The following YAF2 variants were observed in gnomAD, a reference collection of about 807,000 sequenced individuals.
The protein encoded by YAF2 is YY1-associated factor 2.
YAF2 carries 7 observed loss-of-function variants against 20.1 expected under a neutral mutation model. The ratio of observed to expected loss-of-function variants is 0.35; its 90% CI spans 0.20 to 0.65. The LOEUF (loss-of-function observed/expected upper bound fraction) is 0.65, where lower values mean the gene tolerates loss of function less well. Among genes scored for constraint, YAF2 ranks in the 30% least tolerant of loss-of-function variants. The pLI is 0.69. For synonymous variants in YAF2, 74 were observed against 76.0 expected, an observed-to-expected ratio of 0.97 and a Z score of 0.14; for missense variants, 151 against 219.2, an observed-to-expected ratio of 0.69 and a Z score of 1.96.
chr12:42,188,462 T>C (rs900946272), intron 2 of YAF2, among the ~76,000 whole-genome samples: 4 of 150,022 alleles, frequency 2.7e-5, no homozygotes, highest in Non-Finnish European at 5.9e-5. Flanking sequence ...CTTGGCTCAC[T>C]GCAAACTCCA....
chr12:42,175,190 G>A (rs966995114), intron 2 of YAF2, among the ~76,000 whole-genome samples: 1 of 152,136 alleles, frequency 6.6e-6, no homozygotes, highest in Non-Finnish European at 1.5e-5. Context: ...ATACTACTCA[G>A]CAACACAAAG....
chr12:42,178,112 G>A (rs887400685), intron 2 of YAF2, among the ~76,000 whole-genome samples: 2 of 152,052 alleles, frequency 1.3e-5, no homozygotes, highest in Non-Finnish European at 2.9e-5. Context: ...GCAAAAATAT[G>A]TACATCTATT....
At chr12:42,166,660 T>G (rs2065923695) in intron 2 of YAF2, among the ~76,000 whole-genome samples, 1 of 152,172 alleles carries the variant, frequency 6.6e-6, no homozygotes, top group Non-Finnish European at 1.5e-5. Context: ...TGGTCTGAGA[T>G]TTCCCTTATA....
intron 2 of YAF2, chr12:42,233,242 C>T (rs1361837412): frequency 2.0e-6 from 2 of 985,216 alleles, no homozygotes; most frequent in Non-Finnish European, 2.4e-6. Context: ...ACCTAAAGGA[C>T]TGTTATAATA....
chr12:42,181,030 A>G (rs577181587), intron 2 of YAF2, among the ~76,000 whole-genome samples: 3 of 152,330 alleles, frequency 2.0e-5, no homozygotes, highest in Admixed American at 2.0e-4. Context: ...GGCTTCTTTG[A>G]TACACCTAGC....
At chr12:42,216,170 T>C (rs1182546582) in intron 2 of YAF2, among the ~76,000 whole-genome samples, 2 of 152,168 alleles carry the variant, frequency 1.3e-5, no homozygotes, top group African/African-American at 4.8e-5. Flanking sequence ...AACATAATTT[T>C]ACTTATCTTC....
intron 2 of YAF2, among the ~76,000 whole-genome samples, chr12:42,223,770 C>T (rs1398620640): frequency 3.3e-5 from 5 of 149,636 alleles, no homozygotes; most frequent in African/African-American, 7.4e-5. Flanking sequence ...CAAACTAACA[C>T]GGGAACAGAA....
intron 2 of YAF2, among the ~76,000 whole-genome samples, chr12:42,212,261 C>T (rs2067234283): frequency 1.3e-5 from 2 of 152,202 alleles, no homozygotes; most frequent in Admixed American, 1.3e-4. Flanking sequence ...AGAAATTTAT[C>T]TTCAAGCTCA....
At chr12:42,226,886 G>C (rs532377395) in intron 2 of YAF2, among the ~76,000 whole-genome samples, 1 of 148,862 alleles carries the variant, frequency 6.7e-6, no homozygotes, top group African/African-American at 2.4e-5. Context: ...GCTCGAAGGC[G>C]CCGCGGGCTG....
chr12:42,209,452 T>C (rs550969746), intron 2 of YAF2, among the ~76,000 whole-genome samples: 3 of 150,352 alleles, frequency 2.0e-5, no homozygotes, highest in Non-Finnish European at 2.9e-5. Context: ...TAGTCCCAGC[T>C]ACTCAGGAGG....
chr12:42,208,857 CTAGA>C (rs1334093747), intron 2 of YAF2, among the ~76,000 whole-genome samples: 2 of 152,136 alleles, frequency 1.3e-5, no homozygotes, highest in Non-Finnish European at 2.9e-5. Context: ...GAAATTAAGG[CTAGA>C]TAAACAGAAT....
intron 2 of YAF2, among the ~76,000 whole-genome samples, chr12:42,194,362 G>A (rs1044776897): frequency 2.0e-5 from 3 of 152,102 alleles, no homozygotes; most frequent in South Asian, 4.1e-4. Context: ...AATCTAAGCC[G>A]GCCAGGCAGG....
At chr12:42,221,538 G>A (rs2067512679) in intron 2 of YAF2, among the ~76,000 whole-genome samples, 2 of 152,140 alleles carry the variant, frequency 1.3e-5, no homozygotes, top group African/African-American at 2.4e-5. Context: ...CGGCCTGGGT[G>A]ACAGAGCAAG....
At chr12:42,235,873 G>A (rs759868384) in intron 2 of YAF2, 2 of 1,535,942 alleles carry the variant, frequency 1.3e-6, no homozygotes, top group South Asian at 1.2e-5. Flanking sequence ...CTTCTTCCAG[G>A]TGCCAGGTAT....
At chr12:42,204,383 A>G (rs1280380774) in intron 2 of YAF2, among the ~76,000 whole-genome samples, 5 of 152,200 alleles carry the variant, frequency 3.3e-5, no homozygotes, top group Non-Finnish European at 7.3e-5. Context: ...TGTGGGGGGA[A>G]AAGTTGTGCC....
chr12:42,166,308 T>G (rs1344908953), intron 2 of YAF2, among the ~76,000 whole-genome samples: 1 of 152,224 alleles, frequency 6.6e-6, no homozygotes, highest in Non-Finnish European at 1.5e-5. Flanking sequence ...CCTTGACAAC[T>G]CATAATTTCT....
chr12:42,161,771 T>C lies in YAF2; in HGVS notation c.153-6A>G, dbSNP rs2065804899. 1 of 1,588,586 alleles carries C rather than the reference T, an allele frequency of 6.3e-7. No individual in the cohort carries two copies. Reference sequence around the variant, plus strand: ...GGGAGACAGGTCGAGGTTTCCTGTGTGCATGTTAAAAAGAAAGGTATTTTA... The same window carrying C: ...GGGAGACAGGTCGAGGTTTCCTGTGCGCATGTTAAAAAGAAAGGTATTTTA... On this transcript the variant is annotated splice_region_variant and splice_polypyrimidine_tract_variant and intron_variant, in intron 2 of 3. Coordinates refer to ENST00000534854, the MANE Select transcript of YAF2 (RefSeq NM_005748.6).
At chr12:42,170,364 C>T (rs2066015813) in intron 2 of YAF2, among the ~76,000 whole-genome samples, 1 of 152,134 alleles carries the variant, frequency 6.6e-6, no homozygotes, top group East Asian at 1.9e-4. Context: ...CCATCTTTCC[C>T]TTTTTAAAAT....
intron 2 of YAF2, among the ~76,000 whole-genome samples, chr12:42,209,321 A>AG (rs898466006): frequency 6.6e-6 from 1 of 151,798 alleles, no homozygotes; most frequent in Non-Finnish European, 1.5e-5. Context: ...CCCAACACTT[A>AG]GGGAGGCCAA....
Sources: allele counts gnomAD v4.1 joint callset (sites outside exome capture counted in the v4.1 genomes callset), GRCh38; gene constraint gnomAD v4.1.1; transcripts MANE v1.5; gene names NCBI Gene and HGNC (gene_info 2026-07-23, HGNC 2026-07-21).